Variants in CD7 observed in about 807,000 individuals in gnomAD.
The protein encoded by CD7 is T-cell antigen CD7.
CD7 carries 19 observed loss-of-function variants against 17.6 expected under a neutral mutation model. The observed-to-expected ratio is 1.08, with a 90% confidence interval of 0.75 to 1.58. The LOEUF is 1.58. CD7 is among the 40% of genes most tolerant of loss of function. The pLI is 0.00. For missense variants in CD7, 291 were observed against 327.1 expected (o/e 0.89, Z 0.85); for synonymous variants, 160 against 159.8 (o/e 1.00, Z -0.01).
intron 2 of CD7, 54 bp from the exon 3 acceptor site, chr17:82,316,463 C>T (rs2052016914): frequency 1.4e-6 from 2 of 1,476,108 alleles, no homozygotes; most frequent in African/African-American, 1.4e-5. Flanking sequence ...CTGTTAGAGC[C>T]CCCGGGGTTT....
chr17:82,315,312 C>T lies in CD7; in HGVS notation c.*9G>A. 1 of 1,595,366 alleles carries T rather than the reference C, an allele frequency of 6.3e-7. No individual in the cohort carries two copies. The highest frequency in any genetic ancestry group is 8.6e-7 in the Non-Finnish European group (1 of 1,164,450). On this transcript the variant is annotated 3_prime_UTR_variant, in exon 4 of 4. Coordinates refer to ENST00000312648, the MANE Select transcript of CD7 (RefSeq NM_006137.7). ...GGACCACAGGCGGGACGTGCAGGGGCCCACTGGGTCACTGGTACTGGTTGG... is the reference window on the plus strand; with the variant it reads ...GGACCACAGGCGGGACGTGCAGGGGTCCACTGGGTCACTGGTACTGGTTGG...
chr17:82,315,475 G>T, intron 3 of CD7, 44 bp from the exon 4 acceptor site: 1 of 1,463,260 alleles, frequency 6.8e-7, no homozygotes, highest in Non-Finnish European at 9.6e-7. Flanking sequence ...CCAGCGTGGT[G>T]TCCTGGACCC....
At chr17:82,315,870 C>T in intron 3 of CD7, 1 of 600,028 alleles carries the variant, frequency 1.7e-6, no homozygotes, top group South Asian at 2.1e-5. Context: ...CACGCGGGCC[C>T]AGCGCCTGGG....
intron 1 of CD7, 84 bp downstream of exon 1, chr17:82,317,330 C>T: frequency 7.6e-7 from 1 of 1,316,474 alleles, no homozygotes. Flanking sequence ...GGGGGCTGTG[C>T]TGTGGCTCAG....
chr17:82,316,442 C>T (rs373351720), intron 2 of CD7, 33 bp from the exon 3 acceptor site: 64 of 1,515,598 alleles, frequency 4.2e-5, no homozygotes, highest in South Asian at 1.6e-4. Flanking sequence ...GGGATTCTCC[C>T]GGTGGAGAAC....
In CD7 at chr17:82,316,192, GA is replaced by G. The variant is rs2052011999; in HGVS notation, c.612+2del. ...GCAGGTGGCAGCTGGGGCTCACACT[GA>G]CCTGTGTCCTCGCCAGCACACACGC... is the stretch of plus-strand genomic sequence containing the variant. On this transcript the variant is annotated splice_donor_variant, in intron 3 of 3. Coordinates refer to ENST00000312648, the MANE Select transcript of CD7 (RefSeq NM_006137.7). LOFTEE classifies it high-confidence loss of function. The G allele has an allele frequency of 6.4e-7, 1 of 1,555,624 alleles. No homozygotes were observed. The highest frequency in any genetic ancestry group is 1.4e-5 in the African/African-American group (1 of 73,486).
rs143981268 is a variant in CD7 at position 82,315,415 on chromosome 17, G to A, written c.629C>T (p.Ser210Leu). The change falls in exon 4 of 4, where the codon TCG (serine) becomes TTG (leucine). Residue 210 changes from serine to leucine, a missense_variant. Coordinates refer to ENST00000312648, the MANE Select transcript of CD7 (RefSeq NM_006137.7). ...TGCCGCCGAATTCTTATCCCGCCACGAGCACAGTTTCTTTATCTGAAAGAC... is the reference window on the plus strand; with the variant it reads ...TGCCGCCGAATTCTTATCCCGCCACAAGCACAGTTTCTTTATCTGAAAGAC... ...LARTQIKKLC[S>L]WRDKNSAACV... is the part of the protein sequence containing the mutation. 129 of 1,613,746 alleles carry A rather than the reference G, an allele frequency of 8.0e-5. No homozygotes were observed. The East Asian group carries it at 1.3e-3, about 16-fold the overall frequency.
At chr17:82,315,523 A>T in intron 3 of CD7, 92 bp from the exon 4 acceptor site, 1 of 971,258 alleles carries the variant, frequency 1.0e-6, no homozygotes, top group Non-Finnish European at 1.6e-6. Context: ...TTAACACGAG[A>T]CCCCCACGGG....
rs769841402 is a variant in CD7 at position 82,316,847 on chromosome 17, C to T, written c.217G>A (p.Glu73Lys). Residue 73 changes from glutamate (E) to lysine (K), a missense_variant, in exon 2 of 4, where the codon GAG becomes AAG. Transcript: ENST00000312648. ...GPQPQDIIYY[E>K]DGVVPTTDRR... ...TCCGTAGTGGGCACCACCCCGTCCT[C>T]GTAGTAAATGATGTCTTGGGGCTGT... 38 of 1,613,818 alleles carry T rather than the reference C, an allele frequency of 2.4e-5. 1 individual carries two copies. The highest frequency in any genetic ancestry group is 1.6e-4 in the Middle Eastern group (1 of 6,084).
intron 3 of CD7, 149 bp downstream of exon 3, chr17:82,316,046 C>A (rs1198920824): frequency 1.1e-6 from 1 of 877,992 alleles, no homozygotes; most frequent in Non-Finnish European, 1.8e-6. Context: ...CCCTCCCCGC[C>A]GAGGCCACTT....
Position 82,317,529 on chromosome 17 carries a change from T to C in CD7, c.-34A>G. On this transcript the variant is annotated 5_prime_UTR_variant, in exon 1 of 4. Transcript: ENST00000312648. Reference sequence around the variant, plus strand: ...CACCCAGCTCTCCCAGCCGGGCGAGTGCAGCTGAGCCTCTCTGGGTCTACA... The same window carrying C: ...CACCCAGCTCTCCCAGCCGGGCGAGCGCAGCTGAGCCTCTCTGGGTCTACA... 1 of 1,531,510 alleles carries C rather than the reference T, an allele frequency of 6.5e-7. No homozygotes were observed. The highest frequency in any genetic ancestry group is 8.8e-7 in the Non-Finnish European group (1 of 1,135,046). 94.9% of individuals were successfully genotyped at this position (1,531,510 alleles called of 1,614,324 possible).
chr17:82,316,263 C>A lies in CD7; in HGVS notation c.544G>T (p.Ala182Ser), dbSNP rs1420201453. The A allele has an allele frequency of 1.3e-6, 2 of 1,575,790 alleles. No individual in the cohort carries two copies. Among genetic ancestry groups the A allele is most frequent in the Non-Finnish European group, 1.7e-6 (2 of 1,160,134 alleles). ...DPPAASALPAALAVISFLLGL... is the reference protein window; with the variant it reads ...DPPAASALPASLAVISFLLGL... ...AGGAGGAAGGAGATCACCGCCAGGG[C>A]CGCAGGGAGGGCAGAGGCTGCTGGC... Residue 182 changes from alanine to serine, a missense_variant, in exon 3 of 4, where the codon GCC becomes TCC. Physicochemically the swap from Ala to Ser is moderately conservative, Grantham distance 99 (BLOSUM62 1). Transcript: ENST00000312648.
In CD7 at chr17:82,317,487, C is replaced by T. The variant is rs146365930; in HGVS notation, c.9G>A (p.Gly3=). The change falls in exon 1 of 4, where the codon GGG becomes GGA. Residue 3 remains glycine (G), a synonymous_variant. Transcript: ENST00000312648. Reference sequence around the variant, plus strand: ...GGGGCAGCAGCAGGAGCCTCGGAGGCCCGGCCATGTTCCCCACACCCAGCT... The same window carrying T: ...GGGGCAGCAGCAGGAGCCTCGGAGGTCCGGCCATGTTCCCCACACCCAGCT... MA[G]PPRLLLLPLL... The T allele has an allele frequency of 6.9e-5, 108 of 1,567,278 alleles. No homozygotes were observed. The African/African-American group carries it at 1.1e-3, about 16-fold the overall frequency.
rs373727593 is a variant in CD7, at chr17:82,315,447, G to A, written c.613-16C>T. 10 of 1,601,976 alleles carry A rather than the reference G, an allele frequency of 6.2e-6. No individual in the cohort carries two copies. The highest frequency in any genetic ancestry group is 4.0e-5 in the African/African-American group (3 of 74,768). On this transcript the variant is annotated splice_polypyrimidine_tract_variant and intron_variant, in intron 3 of 3. Transcript: ENST00000312648. ...GTTTCTTTATCTGAAAGACAGAACC[G>A]CCGTCTCCAACCAGTGGCCAGCGTG...
chr17:82,316,702 T>G lies in CD7; in HGVS notation c.362A>C (p.Asn121Thr). 1 of 1,613,404 alleles carries G rather than the reference T, an allele frequency of 6.2e-7. No individual in the cohort carries two copies. Residue 121 changes from asparagine to threonine, a missense_variant, in exon 2 of 4, where the codon AAT becomes ACT. Asn to Thr is a moderately conservative substitution (Grantham distance 65). Coordinates refer to ENST00000312648, the MANE Select transcript of CD7 (RefSeq NM_006137.7). ...GACCAGGGTGCCGGAGCCGTAGACA[T>G]TGACCTCCGTGATGGCCTGGCAGGT... ...TYTCQAITEV[N>T]VYGSGTLVLV... is the part of the protein sequence containing the mutation.
chr17:82,315,616 T>A (rs1380459436), intron 3 of CD7, 185 bp from the exon 4 acceptor site: 5 of 583,856 alleles, frequency 8.6e-6, no homozygotes, highest in African/African-American at 1.9e-5. Flanking sequence ...GGTCGGACCC[T>A]GGGGTGCCTC....
At chr17:82,315,787 C>G in intron 3 of CD7, 1 of 566,538 alleles carries the variant, frequency 1.8e-6, no homozygotes, top group South Asian at 2.1e-5. Flanking sequence ...CCACACAGCA[C>G]GCCGGCACAC....
Position 82,317,484 on chromosome 17 carries a change from A to G in CD7, c.12T>C (p.Pro4=). 3 of 1,568,166 alleles carry G rather than the reference A, an allele frequency of 1.9e-6. No individual in the cohort carries two copies. The highest frequency in any genetic ancestry group is 2.6e-6 in the Non-Finnish European group (3 of 1,157,282). The part of the protein sequence containing the change: MAG[P]PRLLLLPLLL... The stretch of plus-strand genomic sequence containing the variant: ...GCAGGGGCAGCAGCAGGAGCCTCGG[A>G]GGCCCGGCCATGTTCCCCACACCCA... Residue 4 remains proline (P), a synonymous_variant, in exon 1 of 4, where the codon CCT becomes CCC. Transcript: ENST00000312648.
Position 82,316,861 on chromosome 17 carries a change from T to C in CD7, c.203A>G (p.Asp68Gly). The change falls in exon 2 of 4, where the codon GAC becomes GGC. Residue 68 changes from aspartate (D) to glycine (G), a missense_variant. Coordinates refer to ENST00000312648, the MANE Select transcript of CD7 (RefSeq NM_006137.7). ...YLRQLGPQPQ[D>G]IIYYEDGVVP... is the part of the protein sequence containing the mutation. The stretch of plus-strand genomic sequence containing the variant: ...CACCCCGTCCTCGTAGTAAATGATG[T>C]CTTGGGGCTGTGGCCCGAGCTGCCT... 6.2e-7 allele frequency: 1 copy of C among 1,613,802 alleles called. No individual in the cohort carries two copies. The highest frequency in any genetic ancestry group is 8.5e-7 in the Non-Finnish European group (1 of 1,179,974).
Sources: gnomAD v4.1 joint callset for allele counts on GRCh38, gnomAD v4.1.1 for gene constraint, MANE v1.5 for transcripts, NCBI Gene and HGNC (gene_info 2026-07-23, HGNC 2026-07-21) for gene names.